Variants in A2M observed in about 807,000 individuals in gnomAD.
The protein encoded by A2M is alpha-2-macroglobulin.
A neutral mutation model predicts 183.9 loss-of-function variants in A2M; 128 were observed. The observed-to-expected ratio is 0.70, with a 90% CI of 0.60 to 0.81. A2M has a LOEUF of 0.81. A2M is among the 30% of genes least tolerant of loss of function. The pLI is 0.00. For synonymous variants in A2M, 592 were observed against 670.8 expected, an observed-to-expected ratio of 0.88 and a Z score of 1.81; for missense variants, 1,495 against 1,787.6, an observed-to-expected ratio of 0.84 and a Z score of 2.95.
chr12:9,104,523 A>G, intron 10 of A2M, 123 bp from the exon 11 acceptor site: 1 of 1,011,340 alleles, frequency 9.9e-7, no homozygotes. Flanking sequence ...CTGAGGACAC[A>G]GCAGTGAAAA....
At position 9,079,351 on chromosome 12, in the gene A2M, A is replaced by G. The variant is rs200545715; in HGVS notation, c.3032-20T>C. The G allele has an allele frequency of 1.6e-4, 264 of 1,603,602 alleles. No individual in the cohort carries two copies. Among genetic ancestry groups the G allele is most frequent in the Non-Finnish European group, 2.2e-4 (254 of 1,170,770 alleles). ...GGTAACCTGGAAAGGAAGATTAACGAAACAGCACAATGGATTAATGTGCAT... is the reference window on the plus strand; with the variant it reads ...GGTAACCTGGAAAGGAAGATTAACGGAACAGCACAATGGATTAATGTGCAT... On this transcript the variant is annotated intron_variant, in intron 24 of 35. Coordinates refer to ENST00000318602, the MANE Select transcript of A2M (RefSeq NM_000014.6).
chr12:9,068,701 G>T, intron 34 of A2M, 39 bp downstream of exon 34: 1 of 1,464,964 alleles, frequency 6.8e-7, no homozygotes. Context: ...TCTGTGATCA[G>T]GAATTAAATA....
At position 9,110,786 on chromosome 12, in the gene A2M, T is replaced by C. The variant is rs377355125; in HGVS notation, c.484-452A>G. 3.9e-5 allele frequency among the ~76,000 whole-genome samples: 6 copies of C among 152,272 alleles called. 1 individual carries two copies. The East Asian group carries it at 7.7e-4, about 20-fold the overall frequency. ...CCCTCTATAGTGAAATACAGAAATA[T>C]TCCAGATTAAATTTTATAGAACTTT... is the stretch of plus-strand genomic sequence containing the variant. On this transcript the variant is annotated intron_variant, in intron 4 of 35. Transcript: ENST00000318602.
chr12:9,107,398 T>C (rs927192036), intron 8 of A2M, 126 bp downstream of exon 8: 2 of 1,199,236 alleles, frequency 1.7e-6, no homozygotes, highest in African/African-American at 3.1e-5. Flanking sequence ...TTTTGAAAAA[T>C]TACAATAGCC....
At position 9,095,677 on chromosome 12, in the gene A2M, C is replaced by T; in HGVS notation, c.1875G>A (p.Lys625=). The change falls in exon 16 of 36, where the codon AAG becomes AAA. Residue 625 remains lysine (K), a synonymous_variant. Coordinates refer to ENST00000318602, the MANE Select transcript of A2M (RefSeq NM_000014.6). The stretch of plus-strand genomic sequence containing the variant: ...AAGGCCCAGGGAAGCCAGTGAGGTC[C>T]TTTTCTGGTAGCAGGTTGTAAACCT... ...ASSVYNLLPE[K]DLTGFPGPLN... is the part of the protein sequence containing the mutation. 1 of 1,603,362 alleles carries T rather than the reference C, an allele frequency of 6.2e-7. No homozygotes were observed. Among genetic ancestry groups the T allele is most frequent in the Non-Finnish European group, 8.5e-7 (1 of 1,174,106 alleles).
chr12:9,076,121 A>G (rs1479667743), intron 28 of A2M, among the ~76,000 whole-genome samples: 1 of 152,234 alleles, frequency 6.6e-6, no homozygotes, highest in Non-Finnish European at 1.5e-5. Context: ...TGGGCTTAAA[A>G]TACCAGAATT....
chr12:9,087,954 G>A (rs1435934038), intron 22 of A2M, among the ~76,000 whole-genome samples: 2 of 151,960 alleles, frequency 1.3e-5, no homozygotes, highest in Non-Finnish European at 2.9e-5. Context: ...GTGAATAGTT[G>A]AAAAAACCAA....
At position 9,090,156 on chromosome 12, in the gene A2M, C is replaced by T. The variant is rs991529345; in HGVS notation, c.2597-133G>A. ...ACACAGAAGCAGGAACGGAAACATG[C>T]AAATGAGAGGTGAATGATACTGAGA... On this transcript the variant is annotated intron_variant, in intron 20 of 35. Transcript: ENST00000318602. The T allele has an allele frequency of 8.7e-6, 12 of 1,383,676 alleles. No homozygotes were observed. In the African/African-American group the frequency reaches 1.7e-4, roughly 20 times the overall value. The allele number at this position is 1,383,676 out of a possible 1,614,324, so 85.7% of individuals were successfully genotyped here. A position where few individuals can be genotyped will look rare whatever the true frequency, so the allele number is the denominator to read the frequency against.
chr12:9,109,036 G>T (rs759188618), intron 7 of A2M, among the ~76,000 whole-genome samples: 26 of 151,564 alleles, frequency 1.7e-4, no homozygotes, highest in Admixed American at 2.0e-4. Flanking sequence ...TTCCCATTTT[G>T]TGTGTGTGTG....
At chr12:9,068,010 G>A in intron 35 of A2M, 171 bp from the exon 36 acceptor site, 1 of 962,962 alleles carries the variant, frequency 1.0e-6, no homozygotes, top group Non-Finnish European at 1.6e-6. Flanking sequence ...GACTCTCTGA[G>A]GTTTGACAGA....
intron 4 of A2M, chr12:9,111,669 G>A: frequency 2.6e-6 from 1 of 387,500 alleles, no homozygotes; most frequent in East Asian, 7.2e-5. Flanking sequence ...AAGTTAATTT[G>A]GGAGAGAAAA....
intron 28 of A2M, among the ~76,000 whole-genome samples, chr12:9,075,415 T>G (rs1948716603): frequency 6.6e-6 from 1 of 152,130 alleles, no homozygotes; most frequent in South Asian, 2.1e-4. Context: ...ACATGAGTAT[T>G]CATTGCAGCA....
At chr12:9,077,501 G>A in intron 26 of A2M, 81 bp from the exon 27 acceptor site, 1 of 1,487,818 alleles carries the variant, frequency 6.7e-7, no homozygotes, top group Non-Finnish European at 9.2e-7. Context: ...GCTGTGTCAT[G>A]GAATTCATCC....
chr12:9,101,110 G>T lies in A2M; in HGVS notation c.1558+34C>A, dbSNP rs373942134. ...GGTGTAAGGCTGAATGGGTCAGAAT[G>T]GGGCAGCAATGCAGAGATGATGGAA... On this transcript the variant is annotated intron_variant, in intron 13 of 35. Coordinates refer to ENST00000318602, the MANE Select transcript of A2M (RefSeq NM_000014.6). 1.2e-5 allele frequency: 19 copies of T among 1,546,792 alleles called. No individual in the cohort carries two copies. In the Admixed American group the frequency reaches 2.5e-4, roughly 21 times the overall value.
Position 9,095,986 on chromosome 12 carries a change from C to T in A2M, c.1852-286G>A, listed in dbSNP as rs1949369401. 2.0e-5 allele frequency among the ~76,000 whole-genome samples: 3 copies of T among 151,672 alleles called. No homozygotes were observed. In the South Asian group the frequency reaches 6.3e-4, roughly 32 times the overall value. On this transcript the variant is annotated intron_variant, in intron 15 of 35. Transcript: ENST00000318602. The stretch of plus-strand genomic sequence containing the variant: ...TTGTTAGCCAGGATGGTCTCGATCT[C>T]CTGACCTCATGATCCACCCGCCTCG...
At chr12:9,087,373 T>C (rs2137763889) in intron 22 of A2M, among the ~76,000 whole-genome samples, 1 of 152,270 alleles carries the variant, frequency 6.6e-6, no homozygotes, top group East Asian at 1.9e-4. Context: ...TGATTAAATC[T>C]GGAGGAGATT....
intron 10 of A2M, 113 bp from the exon 11 acceptor site, chr12:9,104,513 C>T (rs1938135928): frequency 1.8e-6 from 2 of 1,139,832 alleles, no homozygotes; most frequent in South Asian, 1.6e-5. Context: ...GTTCCAGGCA[C>T]TGAGGACACA....
At position 9,095,049 on chromosome 12, in the gene A2M, A is replaced by T. The variant is rs1419374591; in HGVS notation, c.2049T>A (p.Ile683=). 1 of 1,595,532 alleles carries T rather than the reference A, an allele frequency of 6.3e-7. No individual in the cohort carries two copies. The highest frequency in any genetic ancestry group is 1.2e-5 in the South Asian group (1 of 86,890). ...MGLKAFTNSK[I]RKPKMCPQLQ... The stretch of plus-strand genomic sequence containing the variant: ...GCTGTGGACACATTTTGGGTTTACG[A>T]ATCTTTGAGTTGGTGAATGCCTTTA... Residue 683 remains isoleucine, a synonymous_variant, in exon 17 of 36, where the codon ATT becomes ATA. Coordinates refer to ENST00000318602, the MANE Select transcript of A2M (RefSeq NM_000014.6).
At chr12:9,100,469 G>C (rs1937743545) in intron 13 of A2M, among the ~76,000 whole-genome samples, 1 of 151,148 alleles carries the variant, frequency 6.6e-6, no homozygotes, top group Non-Finnish European at 1.5e-5. Flanking sequence ...TATAGAGATG[G>C]GGTCTCACTA....
Sources: allele counts gnomAD v4.1 joint callset (sites outside exome capture counted in the v4.1 genomes callset), GRCh38; gene constraint gnomAD v4.1.1; transcripts MANE v1.5; gene names NCBI Gene and HGNC (gene_info 2026-07-23, HGNC 2026-07-21).